Variants in RBPMS observed in about 807,000 individuals in gnomAD.
The protein encoded by RBPMS is RNA binding protein, mRNA processing factor.
A neutral mutation model predicts 26.8 loss-of-function variants in RBPMS; 7 were observed. The observed-to-expected ratio is 0.26, with a 90% CI of 0.15 to 0.49. The LOEUF is 0.49. RBPMS is among the 20% of genes least tolerant of loss of function. The pLI, the probability that RBPMS is intolerant of heterozygous loss-of-function variation, is 0.98. For missense variants in RBPMS, 186 were observed against 250.0 expected (o/e 0.74, Z 1.73); for synonymous variants, 96 against 93.3 (o/e 1.03, Z -0.17).
chr8:30,480,810 A>G (rs556190051), intron 4 of RBPMS, among the ~76,000 whole-genome samples: 79 of 152,352 alleles, frequency 5.2e-4, no homozygotes, highest in Middle Eastern at 3.4e-3. Flanking sequence ...TAGAACCACA[A>G]TTTCAATTTA....
intron 5 of RBPMS, among the ~76,000 whole-genome samples, chr8:30,517,188 CCGTG>C (rs1822418146): frequency 9.0e-6 from 1 of 111,136 alleles, no homozygotes; most frequent in Non-Finnish European, 1.8e-5. Flanking sequence ...GGCCAAGACC[CCGTG>C]TGTGTGTGTG....
In RBPMS at chr8:30,544,573, G is replaced by A. The variant is rs146741990; in HGVS notation, c.477G>A (p.Ala159=). 29 of 1,614,002 alleles carry A rather than the reference G, an allele frequency of 1.8e-5. No homozygotes were observed. Among genetic ancestry groups the A allele is most frequent in the African/African-American group, 1.5e-4 (11 of 74,896 alleles). Residue 159 remains alanine, a synonymous_variant, in exon 6 of 9, where the codon GCG becomes GCA. Coordinates refer to ENST00000397323, the MANE Select transcript of RBPMS (RefSeq NM_001008710.3). ...ACCCTCTGTACCCAGCGGAGTTAGCGCCTGCTCTACCTCCTCCTGCTTTCA... is the reference window on the plus strand; with the variant it reads ...ACCCTCTGTACCCAGCGGAGTTAGCACCTGCTCTACCTCCTCCTGCTTTCA... ...APYPLYPAEL[A]PALPPPAFTY...
intron 5 of RBPMS, among the ~76,000 whole-genome samples, chr8:30,530,184 T>G (rs1448578697): frequency 6.6e-6 from 1 of 152,204 alleles, no homozygotes; most frequent in Non-Finnish European, 1.5e-5. Context: ...GAGCCCAAGT[T>G]TTAACTGGAA....
In RBPMS at chr8:30,417,506, T is replaced by C. The variant is rs1247653331; in HGVS notation, c.66+32348T>C. 3.9e-5 allele frequency among the ~76,000 whole-genome samples: 6 copies of C among 152,230 alleles called. No individual in the cohort carries two copies. The South Asian group carries it at 6.2e-4, about 16-fold the overall frequency. ...TCATTTTTCTGTTTTTGAAAAATTATGAAGTTTTCAGTAATTGTGACTTTT... is the reference window on the plus strand; with the variant it reads ...TCATTTTTCTGTTTTTGAAAAATTACGAAGTTTTCAGTAATTGTGACTTTT... On this transcript the variant is annotated intron_variant, in intron 1 of 8. Coordinates refer to ENST00000397323, the MANE Select transcript of RBPMS (RefSeq NM_001008710.3).
intron 5 of RBPMS, among the ~76,000 whole-genome samples, chr8:30,515,181 A>G (rs763515191): frequency 6.6e-6 from 1 of 152,072 alleles, no homozygotes; most frequent in Non-Finnish European, 1.5e-5. Context: ...TTTGTTGCCC[A>G]GGCTGGTATC....
intron 4 of RBPMS, among the ~76,000 whole-genome samples, chr8:30,496,371 T>C (rs1819956093): frequency 1.3e-5 from 2 of 152,084 alleles, no homozygotes; most frequent in Non-Finnish European, 2.9e-5. Context: ...GGTTTCACCG[T>C]GTTAGCCAGG....
chr8:30,434,999 TCCATC>T (rs1408671549), intron 1 of RBPMS, among the ~76,000 whole-genome samples: 10 of 142,172 alleles, frequency 7.0e-5, no homozygotes, highest in Admixed American at 1.4e-4. Flanking sequence ...AAAGAAGACA[TCCATC>T]CATCCATCCA....
At chr8:30,488,036 T>G (rs1818977838) in intron 4 of RBPMS, among the ~76,000 whole-genome samples, 1 of 152,166 alleles carries the variant, frequency 6.6e-6, no homozygotes, top group Non-Finnish European at 1.5e-5. Flanking sequence ...GAAAAGCAGT[T>G]GGGTAGAAAA....
chr8:30,432,243 G>A (rs1743527057), intron 1 of RBPMS, among the ~76,000 whole-genome samples: 1 of 152,214 alleles, frequency 6.6e-6, no homozygotes, highest in Non-Finnish European at 1.5e-5. Flanking sequence ...TAAATAAACT[G>A]ACTCTCCCGG....
intron 8 of RBPMS, among the ~76,000 whole-genome samples, chr8:30,569,381 AGTGAGAACCCCT>A (rs1305089733): frequency 4.6e-5 from 7 of 152,224 alleles, no homozygotes; most frequent in Admixed American, 4.6e-4. Flanking sequence ...TGGCCTGGTC[AGTGAGAACCCCT>A]GTGAGGAGCT....
chr8:30,480,127 G>A (rs148515117), intron 4 of RBPMS, among the ~76,000 whole-genome samples: 13 of 152,322 alleles, frequency 8.5e-5, no homozygotes, highest in South Asian at 4.1e-4. Flanking sequence ...GAGTCTCAGC[G>A]AAGGCTGGCT....
At chr8:30,429,638 C>T (rs376712167) in intron 1 of RBPMS, among the ~76,000 whole-genome samples, 1 of 152,178 alleles carries the variant, frequency 6.6e-6, no homozygotes, top group Non-Finnish European at 1.5e-5. Flanking sequence ...GTTGTTAAGT[C>T]ACCCAGCAAA....
chr8:30,504,214 T>C (rs1431996651), intron 4 of RBPMS, 72 bp from the exon 5 acceptor site: 2 of 1,553,120 alleles, frequency 1.3e-6, no homozygotes, highest in South Asian at 1.1e-5. Context: ...TACTGGTGTG[T>C]TTATTTTGTC....
rs1809845835 is a variant in RBPMS, at chr8:30,414,633, G to A, written c.66+29475G>A. On this transcript the variant is annotated intron_variant, in intron 1 of 8. Coordinates refer to ENST00000397323, the MANE Select transcript of RBPMS (RefSeq NM_001008710.3). ...ATTCAAAACACATGCCCTATGGATA[G>A]TACACTATCTGTGGCTCTTTAATTT... Among the ~76,000 whole-genome samples, 3 of 152,250 alleles carry A rather than the reference G, an allele frequency of 2.0e-5. No individual in the cohort carries two copies. The East Asian group carries it at 5.8e-4, about 29-fold the overall frequency.
chr8:30,545,331 C>A, intron 6 of RBPMS: 1 of 1,154,658 alleles, frequency 8.7e-7, no homozygotes, highest in Non-Finnish European at 1.1e-6. Flanking sequence ...CTAACACTTC[C>A]TCTCCCCTTG....
intron 6 of RBPMS, chr8:30,556,558 GC>G (rs1826938954): frequency 1.0e-6 from 1 of 986,626 alleles, no homozygotes; most frequent in Non-Finnish European, 1.2e-6. Context: ...CCTCGTCGGG[GC>G]TCAGCGCCCC....
chr8:30,550,853 G>A (rs769197803), intron 6 of RBPMS, among the ~76,000 whole-genome samples: 3 of 152,200 alleles, frequency 2.0e-5, no homozygotes, highest in Admixed American at 6.5e-5. Context: ...TCCCAGCGAC[G>A]GAATGGCCCT....
intron 4 of RBPMS, among the ~76,000 whole-genome samples, chr8:30,483,289 C>T (rs1334811484): frequency 6.6e-6 from 1 of 152,118 alleles, no homozygotes; most frequent in Non-Finnish European, 1.5e-5. Context: ...GCTATCCTTC[C>T]TTCCCTGATT....
At chr8:30,459,920 C>A (rs1815698525) in intron 1 of RBPMS, among the ~76,000 whole-genome samples, 1 of 152,142 alleles carries the variant, frequency 6.6e-6, no homozygotes, top group Non-Finnish European at 1.5e-5. Context: ...TTTGTTGTTT[C>A]CAGCAGGCAC....
Sources: allele counts gnomAD v4.1 joint callset (sites outside exome capture counted in the v4.1 genomes callset), GRCh38; gene constraint gnomAD v4.1.1; transcripts MANE v1.5; gene names NCBI Gene and HGNC (gene_info 2026-07-23, HGNC 2026-07-21).